SCG5: variants seen among roughly 807,000 people sequenced by gnomAD.
The protein encoded by SCG5 is neuroendocrine protein 7B2.
In SCG5, 18 loss-of-function variants were observed where a neutral mutation model predicts 25.7. The ratio of observed to expected loss-of-function variants is 0.70; its 90% confidence interval spans 0.48 to 1.04. The LOEUF (loss-of-function observed/expected upper bound fraction) is 1.04. Ranked by LOEUF, SCG5 falls within the 50% of genes least tolerant of loss-of-function variation. The probability of loss-of-function intolerance (pLI) is 0.00; values close to 1 mark genes in which losing one functional copy is unlikely to be tolerated. For missense variants in SCG5, 206 were observed against 259.8 expected, an observed-to-expected ratio of 0.79 and a Z score of 1.42; for synonymous variants, 101 against 91.7, an observed-to-expected ratio of 1.10 and a Z score of -0.58.
At chr15:32,645,855 C>G (rs1433492128) in intron 2 of SCG5, among the ~76,000 whole-genome samples, 1 of 152,176 alleles carries the variant, frequency 6.6e-6, no homozygotes, top group Non-Finnish European at 1.5e-5. Context: ...GAGTCTCACT[C>G]TGTCACCCAG....
At chr15:32,692,261 T>A in intron 5 of SCG5, 5 of 987,872 alleles carry the variant, frequency 5.1e-6, no homozygotes, top group Non-Finnish European at 6.0e-6. Flanking sequence ...GTATCTTTTT[T>A]TCTTGGCCTA....
intron 2 of SCG5, among the ~76,000 whole-genome samples, chr15:32,647,582 C>G (rs781244029): frequency 9.9e-5 from 15 of 152,120 alleles, no homozygotes; most frequent in Non-Finnish European, 2.1e-4. Flanking sequence ...TCACAGCAAC[C>G]TTTCACAGCT....
chr15:32,649,195 G>C (rs1478997630), intron 2 of SCG5, among the ~76,000 whole-genome samples: 1 of 152,166 alleles, frequency 6.6e-6, no homozygotes, highest in Non-Finnish European at 1.5e-5. Context: ...CAGGCACATA[G>C]TAAGCATTCA....
chr15:32,680,027 G>A (rs1410644649), intron 3 of SCG5, 112 bp downstream of exon 3: 5 of 1,021,864 alleles, frequency 4.9e-6, no homozygotes, highest in Non-Finnish European at 7.2e-6. Flanking sequence ...ATTCTGATGA[G>A]CCCATGTGTA....
At chr15:32,656,343 C>T (rs2054116697) in intron 2 of SCG5, 1 of 152,186 alleles carries the variant, frequency 6.6e-6, no homozygotes, top group Non-Finnish European at 1.5e-5. Context: ...TCAACAATTT[C>T]CCACAGGTAA....
At chr15:32,691,153 GT>G (rs2054848069) in intron 4 of SCG5, among the ~76,000 whole-genome samples, 2 of 152,088 alleles carry the variant, frequency 1.3e-5, no homozygotes, top group African/African-American at 4.8e-5. Context: ...CTGCCAAGAA[GT>G]TTTTTGGCAG....
chr15:32,663,050 TATATATATATATATATATATATATATATA>T (rs2054252620), intron 2 of SCG5, among the ~76,000 whole-genome samples: 5 of 31,824 alleles, frequency 1.6e-4, no homozygotes, highest in African/African-American at 3.4e-4. Context: ...TATATATATA[TATATATATATATATATATATATATATATA>T]ATATATAATA....
intron 2 of SCG5, among the ~76,000 whole-genome samples, chr15:32,663,078 T>TATATATATAA (rs1231364622): frequency 5.7e-5 from 3 of 52,220 alleles, no homozygotes; most frequent in Non-Finnish European, 4.4e-5. Flanking sequence ...TATATATATA[T>TATATATATAA]AATATATAAT....
At chr15:32,695,369 A>G (rs2054939398) in intron 5 of SCG5, among the ~76,000 whole-genome samples, 1 of 152,094 alleles carries the variant, frequency 6.6e-6, no homozygotes, top group African/African-American at 2.4e-5. Context: ...TCAATGAACA[A>G]ACATCTTCCA....
chr15:32,688,970 A>AAAAAAAAG lies in SCG5; in HGVS notation c.490-2736_490-2735insAAAGAAAA, dbSNP rs1265548524. Among the ~76,000 whole-genome samples the AAAAAAAAG allele has an allele frequency of 2.3e-3, 179 of 79,402 alleles. 1 individual carries two copies. The highest frequency in any genetic ancestry group is 6.0e-3 in the African/African-American group (167 of 27,762). 52.1% of individuals were successfully genotyped at this position (79,402 alleles called of 152,430 possible). ...CAAGACTCCGTCTCAAAAAAAAAAA[A>AAAAAAAAG]AAAAGAAATTAATAGTTACTCTGTG... On this transcript the variant is annotated intron_variant, in intron 4 of 5. Coordinates refer to ENST00000300175, the MANE Select transcript of SCG5 (RefSeq NM_001144757.3).
In SCG5 at chr15:32,673,203, G is replaced by A. The variant is rs375934705; in HGVS notation, c.227-6563G>A. On this transcript the variant is annotated intron_variant, in intron 2 of 5. Transcript: ENST00000300175. ...CAAAGTGTGAGCAAGTGCCTCTGTAGAGTAAAACTTTAAGTAAAAGGACTA... is the reference window on the plus strand; with the variant it reads ...CAAAGTGTGAGCAAGTGCCTCTGTAAAGTAAAACTTTAAGTAAAAGGACTA... 10 of 152,256 alleles carry A rather than the reference G, an allele frequency of 6.6e-5. No homozygotes were observed. In the South Asian group the frequency reaches 1.0e-3, roughly 16 times the overall value. The allele number at this position is 152,256 out of a possible 1,614,324, so 9.4% of individuals were successfully genotyped here. A position where few individuals can be genotyped will look rare whatever the true frequency, so the allele number is the denominator to read the frequency against.
chr15:32,655,775 C>T (rs2054107845), intron 2 of SCG5, among the ~76,000 whole-genome samples: 1 of 152,188 alleles, frequency 6.6e-6, no homozygotes, highest in South Asian at 2.1e-4. Flanking sequence ...GACGGAGCCA[C>T]TGTGAGGAAC....
chr15:32,649,667 T>A (rs2054001989), intron 2 of SCG5, among the ~76,000 whole-genome samples: 1 of 152,158 alleles, frequency 6.6e-6, no homozygotes, highest in African/African-American at 2.4e-5. Flanking sequence ...GGGGTTATGT[T>A]TAACTTCTCC....
At chr15:32,643,937 G>C (rs2053905554) in intron 2 of SCG5, 119 bp downstream of exon 2, 15 of 839,492 alleles carry the variant, frequency 1.8e-5, no homozygotes, top group Non-Finnish European at 2.7e-5. Flanking sequence ...TTTCAGAGGA[G>C]GAAGCTAATT....
chr15:32,677,716 T>A (rs1389865408), intron 2 of SCG5: 2 of 152,192 alleles, frequency 1.3e-5, no homozygotes, highest in African/African-American at 2.4e-5. Flanking sequence ...GAACTGTGAG[T>A]GTGGGGCTCC....
intron 2 of SCG5, among the ~76,000 whole-genome samples, chr15:32,661,543 C>T (rs2140525313): frequency 6.6e-6 from 1 of 152,198 alleles, no homozygotes; most frequent in Non-Finnish European, 1.5e-5. Context: ...TCACTTGAAC[C>T]CGGGAGGCAG....
intron 3 of SCG5, chr15:32,684,326 A>T (rs1169908595): frequency 2.1e-6 from 1 of 483,638 alleles, no homozygotes; most frequent in African/African-American, 2.0e-5. Context: ...CTAAGGAGGA[A>T]AGGGAAGTGG....
chr15:32,655,546 G>C (rs1310526730), intron 2 of SCG5, among the ~76,000 whole-genome samples: 3 of 152,130 alleles, frequency 2.0e-5, no homozygotes, highest in Non-Finnish European at 4.4e-5. Context: ...ACTTGGGAGG[G>C]CAACGGGAAA....
At chr15:32,642,825 A>AT (rs888693233) in intron 1 of SCG5, among the ~76,000 whole-genome samples, 1 of 152,122 alleles carries the variant, frequency 6.6e-6, no homozygotes, top group African/African-American at 2.4e-5. Context: ...AATAATAGCA[A>AT]TATAGGGGCT....
Sources: allele counts gnomAD v4.1 joint callset (sites outside exome capture counted in the v4.1 genomes callset), GRCh38; gene constraint gnomAD v4.1.1; transcripts MANE v1.5; gene names NCBI Gene and HGNC (gene_info 2026-07-23, HGNC 2026-07-21).